Variants in R3HDM2 observed in about 807,000 individuals in gnomAD.
The protein encoded by R3HDM2 is R3H domain-containing protein 2.
In R3HDM2, 38 loss-of-function variants were observed where a neutral mutation model predicts 124.5. That is an observed-to-expected ratio of 0.31 (90% CI 0.24 to 0.40). The LOEUF is 0.40. Among genes scored for constraint, R3HDM2 ranks in the 10% least tolerant of loss-of-function variants. The pLI is 1.00. For missense variants in R3HDM2, 869 were observed against 1,236.9 expected (o/e 0.70, Z 4.46); for synonymous variants, 391 against 448.0 (o/e 0.87, Z 1.61).
Position 57,256,423 on chromosome 12 carries a change from C to T in R3HDM2, c.2538G>A (p.Thr846=), listed in dbSNP as rs76119419. 1.4e-3 allele frequency: 2,273 copies of T among 1,585,800 alleles called. 27 individuals carry two copies. In the African/African-American group the frequency reaches 0.026, roughly 18 times the overall value. Residue 846 remains threonine (T), a synonymous_variant, in exon 22 of 24, where the codon ACG becomes ACA. Coordinates refer to ENST00000402412, the MANE Select transcript of R3HDM2 (RefSeq NM_001394031.1). Reference sequence around the variant, plus strand: ...TGGTGGACACCCTTACCTGGTGCACCGTGTAAGTTGACTGGCCATGGAGCA... The same window carrying T: ...TGGTGGACACCCTTACCTGGTGCACTGTGTAAGTTGACTGGCCATGGAGCA... ...PPLLHGQSTY[T]VHQGQSGLKH... is the part of the protein sequence containing the mutation.
chr12:57,419,327 T>C (rs989772485), intron 1 of R3HDM2, among the ~76,000 whole-genome samples: 1 of 152,050 alleles, frequency 6.6e-6, no homozygotes. Flanking sequence ...GTATTTTTAG[T>C]TGAGACAGGG....
chr12:57,263,161 A>C (rs2041318036), intron 19 of R3HDM2, among the ~76,000 whole-genome samples: 1 of 152,220 alleles, frequency 6.6e-6, no homozygotes, highest in African/African-American at 2.4e-5. Flanking sequence ...TTGCATTTGA[A>C]GATGAATAGA....
intron 2 of R3HDM2, among the ~76,000 whole-genome samples, chr12:57,355,186 G>A (rs1382759719): frequency 1.3e-5 from 2 of 151,538 alleles, no homozygotes; most frequent in Admixed American, 6.6e-5. Context: ...GGCCGGGCGC[G>A]GTGGCTCATG....
intron 1 of R3HDM2, chr12:57,418,081 A>C (rs767504000): frequency 9.6e-6 from 8 of 831,654 alleles, no homozygotes; most frequent in Non-Finnish European, 1.2e-5. Flanking sequence ...ACTAGCTGCT[A>C]GACATTTCCA....
intron 1 of R3HDM2, among the ~76,000 whole-genome samples, chr12:57,406,193 C>T (rs1259385925): frequency 2.6e-5 from 4 of 151,642 alleles, no homozygotes; most frequent in African/African-American, 7.3e-5. Flanking sequence ...TGGTGGCAGG[C>T]GCCTGTAATC....
intron 14 of R3HDM2, among the ~76,000 whole-genome samples, chr12:57,274,389 G>A (rs997314967): frequency 4.6e-5 from 7 of 152,102 alleles, no homozygotes; most frequent in South Asian, 2.1e-4. Context: ...CAGGAGAATC[G>A]CTTGAACCTG....
Position 57,298,030 on chromosome 12 carries a change from G to A in R3HDM2, c.500+60C>T, listed in dbSNP as rs573379664. 132 of 1,243,916 alleles carry A rather than the reference G, an allele frequency of 1.1e-4. 1 individual carries two copies. The South Asian group carries it at 1.4e-3, about 13-fold the overall frequency. The allele number at this position is 1,243,916 out of a possible 1,614,324, so 77.1% of individuals were successfully genotyped here. A position where few individuals can be genotyped will look rare whatever the true frequency, so the allele number is the denominator to read the frequency against. ...TGGAAAAATTCTGGGAAGCCGTTTG[G>A]CCTCTTGGAATCTTGCTATCCCCTA... On this transcript the variant is annotated intron_variant, in intron 7 of 23. Coordinates refer to ENST00000402412, the MANE Select transcript of R3HDM2 (RefSeq NM_001394031.1).
At chr12:57,425,008 CA>C (rs2070592664) in intron 1 of R3HDM2, among the ~76,000 whole-genome samples, 3 of 152,354 alleles carry the variant, frequency 2.0e-5, no homozygotes, top group African/African-American at 7.2e-5. Context: ...TGCGGTGGCT[CA>C]CGCCTATAAT....
chr12:57,383,081 C>T (rs1037820172), intron 2 of R3HDM2, among the ~76,000 whole-genome samples: 4 of 151,846 alleles, frequency 2.6e-5, no homozygotes, highest in African/African-American at 9.7e-5. Context: ...TCTTGAACTC[C>T]TGACCTCAGG....
At chr12:57,298,623 G>C (rs1048868568) in intron 6 of R3HDM2, among the ~76,000 whole-genome samples, 1 of 151,150 alleles carries the variant, frequency 6.6e-6, no homozygotes, top group Admixed American at 6.6e-5. Flanking sequence ...GAGTTTAAAG[G>C]CAAAGATAGT....
At chr12:57,304,421 G>A (rs1429582304) in intron 3 of R3HDM2, 1 of 800,148 alleles carries the variant, frequency 1.2e-6, no homozygotes, top group Non-Finnish European at 1.5e-6. Flanking sequence ...GGGGCGTAGA[G>A]GGAACTGAGG....
chr12:57,402,310 G>A (rs1195902293), intron 1 of R3HDM2, among the ~76,000 whole-genome samples: 3 of 151,518 alleles, frequency 2.0e-5, no homozygotes, highest in African/African-American at 2.4e-5. Flanking sequence ...AAAAAAAAGT[G>A]CATACATATC....
At chr12:57,272,367 T>C in intron 14 of R3HDM2, 1 of 1,153,126 alleles carries the variant, frequency 8.7e-7, no homozygotes. Context: ...ACAACATGCT[T>C]ACAAGGCCAT....
intron 1 of R3HDM2, among the ~76,000 whole-genome samples, chr12:57,414,831 CA>C (rs71448523): frequency 0.011 from 1,499 of 132,636 alleles, 18 homozygotes; most frequent in African/African-American, 0.03. Flanking sequence ...AAAACTTTGT[CA>C]AAAAAAAAAA....
intron 2 of R3HDM2, among the ~76,000 whole-genome samples, chr12:57,314,712 C>G (rs925433554): frequency 2.0e-5 from 3 of 152,116 alleles, no homozygotes; most frequent in Non-Finnish European, 2.9e-5. Context: ...CAATCTTGAT[C>G]CTAAATCAGT....
intron 2 of R3HDM2, among the ~76,000 whole-genome samples, chr12:57,360,030 T>TATATATAC (rs1555287212): frequency 2.1e-5 from 2 of 96,018 alleles, no homozygotes; most frequent in East Asian, 6.1e-4. Context: ...TATACACACA[T>TATATATAC]ATATATATAT....
In R3HDM2 at chr12:57,310,480, T is replaced by C; in HGVS notation, c.-35-17A>G. 1.5e-6 allele frequency: 2 copies of C among 1,360,698 alleles called. No homozygotes were observed. Among genetic ancestry groups the C allele is most frequent in the South Asian group, 3.5e-5 (2 of 57,422 alleles). 84.3% of individuals were successfully genotyped at this position (1,360,698 alleles called of 1,614,324 possible). A position where few individuals can be genotyped will look rare whatever the true frequency, so the allele number is the denominator to read the frequency against. ...TATGGACTCCTAAAGAAACATCAAA[T>C]GCATTAAGCAGGAGGTATGTATCCA... On this transcript the variant is annotated splice_polypyrimidine_tract_variant and intron_variant, in intron 2 of 23. Transcript: ENST00000402412.
At chr12:57,384,746 G>A (rs928694641) in intron 2 of R3HDM2, among the ~76,000 whole-genome samples, 2 of 152,116 alleles carry the variant, frequency 1.3e-5, no homozygotes, top group African/African-American at 4.8e-5. Context: ...TTGGAAAGGA[G>A]TTACATCATC....
In R3HDM2 at chr12:57,296,028, C is replaced by A. The variant is rs2049781357; in HGVS notation, c.701+383G>T. On this transcript the variant is annotated intron_variant, in intron 9 of 23. Coordinates refer to ENST00000402412, the MANE Select transcript of R3HDM2 (RefSeq NM_001394031.1). This position sits in a 1 kb window ranked among gnomAD's most constrained non-coding sequence, Gnocchi z 4.5. ...GGGATTACAGGCGCCTGCCACCGCG[C>A]CCGGCTAATTTTTGTATTTTTAGTA... Among the ~76,000 whole-genome samples the A allele has an allele frequency of 6.6e-6, 1 of 152,164 alleles. No homozygotes were observed.
Sources: gnomAD v4.1 joint callset for allele counts (sites outside exome capture counted in the v4.1 genomes callset) on GRCh38, gnomAD v4.1.1 for gene constraint, Gnocchi (gnomAD v3.1) non-coding constraint, MANE v1.5 for transcripts, NCBI Gene and HGNC (gene_info 2026-07-23, HGNC 2026-07-21) for gene names.